NCAM2: variants seen among roughly 807,000 people sequenced by gnomAD.
The protein encoded by NCAM2 is N-CAM-2.
A neutral mutation model predicts 98.1 loss-of-function variants in NCAM2; 30 were observed. That is an observed-to-expected ratio of 0.31 (90% CI 0.23 to 0.41). The LOEUF is 0.41. Among genes scored for constraint, NCAM2 ranks in the 10% least tolerant of loss-of-function variants. The pLI is 1.00. For missense variants in NCAM2, 867 were observed against 1,005.8 expected (o/e 0.86, Z 1.87); for synonymous variants, 368 against 342.4 (o/e 1.07, Z -0.83).
chr21:21,128,901 G>T (rs2066881148), intron 1 of NCAM2, among the ~76,000 whole-genome samples: 1 of 152,116 alleles, frequency 6.6e-6, no homozygotes, highest in East Asian at 1.9e-4. Flanking sequence ...AATCTTAGAG[G>T]GATTAAAGCC....
At chr21:21,527,014 A>G (rs182939925) in intron 16 of NCAM2, among the ~76,000 whole-genome samples, 35 of 152,346 alleles carry the variant, frequency 2.3e-4, no homozygotes, top group African/African-American at 8.4e-4. Context: ...AAAAAATTAT[A>G]AAACTACTAG....
At chr21:21,041,634 G>T (rs2064906931) in intron 1 of NCAM2, among the ~76,000 whole-genome samples, 1 of 152,166 alleles carries the variant, frequency 6.6e-6, no homozygotes, top group African/African-American at 2.4e-5. Context: ...TCGTGGTGGT[G>T]GTGTAAGGAT....
intron 11 of NCAM2, among the ~76,000 whole-genome samples, chr21:21,420,161 G>C (rs760812031): frequency 1.3e-5 from 2 of 152,048 alleles, no homozygotes; most frequent in Admixed American, 6.6e-5. Context: ...AAAGTACAAA[G>C]AGCTATCTTA....
At chr21:21,350,395 G>C (rs1280970388) in intron 8 of NCAM2, among the ~76,000 whole-genome samples, 1 of 151,592 alleles carries the variant, frequency 6.6e-6, no homozygotes, top group African/African-American at 2.4e-5. Flanking sequence ...TTTTATTATT[G>C]GGCACAATTT....
intron 1 of NCAM2, among the ~76,000 whole-genome samples, chr21:21,268,069 C>T (rs2072353590): frequency 6.6e-6 from 1 of 152,108 alleles, no homozygotes; most frequent in Non-Finnish European, 1.5e-5. Context: ...ATTTCTGACT[C>T]TTTGAACTGC....
rs1377675738 is a variant in NCAM2, at chr21:21,378,753, C to T, written c.1195+4740C>T. On this transcript the variant is annotated intron_variant, in intron 9 of 17. Coordinates refer to ENST00000400546, the MANE Select transcript of NCAM2 (RefSeq NM_004540.5). ...TGTTTATCTAGTACCTATTGATGGA[C>T]ATTTTACGTGTTTTTAGTTATTGAC... 2.0e-5 allele frequency among the ~76,000 whole-genome samples: 3 copies of T among 151,848 alleles called. No homozygotes were observed. In the East Asian group the frequency reaches 5.8e-4, roughly 29 times the overall value.
At chr21:21,198,213 TGTGTG>T (rs2069082988) in intron 1 of NCAM2, among the ~76,000 whole-genome samples, 2 of 151,740 alleles carry the variant, frequency 1.3e-5, no homozygotes, top group Non-Finnish European at 2.9e-5. Context: ...TGTGTGTGTG[TGTGTG>T]TGTGTGTGTG....
At chr21:21,422,368 G>A (rs1308141443) in intron 11 of NCAM2, among the ~76,000 whole-genome samples, 1 of 152,110 alleles carries the variant, frequency 6.6e-6, no homozygotes, top group Admixed American at 6.6e-5. Context: ...CAATATTCTA[G>A]TGATGGATAC....
chr21:21,452,718 A>T (rs1326440401), intron 12 of NCAM2, among the ~76,000 whole-genome samples: 3 of 110,220 alleles, frequency 2.7e-5, no homozygotes, highest in Non-Finnish European at 5.0e-5. Flanking sequence ...AATATATATT[A>T]CTTTATATAT....
chr21:21,173,150 C>CT (rs899549816), intron 1 of NCAM2, among the ~76,000 whole-genome samples: 1 of 151,974 alleles, frequency 6.6e-6, no homozygotes, highest in Non-Finnish European at 1.5e-5. Context: ...AAAATTATTC[C>CT]TTTTTTTGTG....
At chr21:21,531,110 A>G (rs1395498117) in intron 16 of NCAM2, among the ~76,000 whole-genome samples, 5 of 152,116 alleles carry the variant, frequency 3.3e-5, no homozygotes, top group African/African-American at 1.2e-4. Flanking sequence ...TAATATCTTT[A>G]CACACTTTCA....
intron 1 of NCAM2, among the ~76,000 whole-genome samples, chr21:21,010,554 G>A (rs1443883911): frequency 6.6e-6 from 1 of 151,976 alleles, no homozygotes; most frequent in African/African-American, 2.4e-5. Flanking sequence ...TTAATACAGC[G>A]ATTGTTTGAT....
chr21:21,104,960 G>A (rs1293118936), intron 1 of NCAM2, among the ~76,000 whole-genome samples: 1 of 152,070 alleles, frequency 6.6e-6, no homozygotes, highest in Non-Finnish European at 1.5e-5. Flanking sequence ...TGAAATCTCT[G>A]CCAACAACCC....
chr21:21,364,801 A>G (rs1050758736), intron 8 of NCAM2, among the ~76,000 whole-genome samples: 2 of 152,154 alleles, frequency 1.3e-5, no homozygotes, highest in African/African-American at 4.8e-5. Context: ...TGGTCACTAG[A>G]TGTCACTGAC....
At chr21:21,321,263 A>AT (rs1399249123) in intron 5 of NCAM2, among the ~76,000 whole-genome samples, 1 of 151,958 alleles carries the variant, frequency 6.6e-6, no homozygotes, top group Non-Finnish European at 1.5e-5. Flanking sequence ...TTGGATTATT[A>AT]TTTTTTTCTT....
intron 12 of NCAM2, among the ~76,000 whole-genome samples, chr21:21,442,131 G>C (rs1602353302): frequency 6.6e-6 from 1 of 152,094 alleles, no homozygotes; most frequent in African/African-American, 2.4e-5. Context: ...GTCCTTTGGG[G>C]TGTTTTGTGT....
chr21:21,474,906 A>G (rs1984957870), intron 14 of NCAM2, among the ~76,000 whole-genome samples: 1 of 151,854 alleles, frequency 6.6e-6, no homozygotes, highest in African/African-American at 2.4e-5. Flanking sequence ...GTGTATATAT[A>G]TACATACATT....
intron 9 of NCAM2, among the ~76,000 whole-genome samples, chr21:21,396,071 G>C (rs1466656301): frequency 5.3e-5 from 8 of 151,116 alleles, no homozygotes; most frequent in African/African-American, 1.9e-4. Context: ...CCAGTAAACA[G>C]ACAACCCACA....
chr21:21,001,740 T>G (rs1462308286), intron 1 of NCAM2, among the ~76,000 whole-genome samples: 1 of 152,162 alleles, frequency 6.6e-6, no homozygotes, highest in Non-Finnish European at 1.5e-5. Flanking sequence ...GCTATTCATC[T>G]CTCTTGCAAT....
Sources: gnomAD v4.1 joint callset for allele counts (sites outside exome capture counted in the v4.1 genomes callset) on GRCh38, gnomAD v4.1.1 for gene constraint, MANE v1.5 for transcripts, NCBI Gene and HGNC (gene_info 2026-07-23, HGNC 2026-07-21) for gene names.